NUP37: variants seen among roughly 807,000 people sequenced by gnomAD.
The protein encoded by NUP37 is nucleoporin Nup37.
Under a neutral mutation model 45.4 loss-of-function variants are expected in NUP37, and 33 were observed. That is an observed-to-expected ratio of 0.73 (90% confidence interval 0.55 to 0.97). The LOEUF (loss-of-function observed/expected upper bound fraction) is 0.97, where lower values mean the gene tolerates loss of function less well. NUP37 is among the 50% of genes least tolerant of loss of function. NUP37 has a pLI of 0.00. For missense variants in NUP37, 365 were observed against 389.7 expected, an observed-to-expected ratio of 0.94 and a Z score of 0.53; for synonymous variants, 127 against 130.7, an observed-to-expected ratio of 0.97 and a Z score of 0.19.
intron 3 of NUP37, among the ~76,000 whole-genome samples, chr12:102,106,944 T>C (rs1029838751): frequency 2.6e-5 from 4 of 152,186 alleles, no homozygotes; most frequent in Non-Finnish European, 4.4e-5. Context: ...TACCAGATCA[T>C]TGCATCTGCA....
At chr12:102,082,365 T>C (rs1879352739) in intron 6 of NUP37, among the ~76,000 whole-genome samples, 1 of 152,124 alleles carries the variant, frequency 6.6e-6, no homozygotes, top group Non-Finnish European at 1.5e-5. Context: ...AGGCTAACAA[T>C]TCTGGGCTTG....
chr12:102,085,726 CT>C, intron 6 of NUP37, 39 bp downstream of exon 6: 1 of 981,074 alleles, frequency 1.0e-6, no homozygotes, highest in Non-Finnish European at 1.6e-6. Flanking sequence ...CTCTATAAGT[CT>C]TTTCAATTTG....
intron 6 of NUP37, chr12:102,079,013 T>C: frequency 3.6e-6 from 1 of 274,382 alleles, no homozygotes; most frequent in Non-Finnish European, 7.3e-6. Context: ...AGTTGATGCC[T>C]GAATAAAATG....
chr12:102,088,359 T>C (rs1035138261), intron 5 of NUP37, among the ~76,000 whole-genome samples: 1 of 152,126 alleles, frequency 6.6e-6, no homozygotes, highest in African/African-American at 2.4e-5. Flanking sequence ...TTTTGAAGTA[T>C]ACCATATATA....
rs563073779 is a variant in NUP37 at position 102,105,926 on chromosome 12, C to T, written c.282-4822G>A. The stretch of plus-strand genomic sequence containing the variant: ...TCTATGTGTTAACCCCTGGTAACTA[C>T]GAGTGCTGCCTTATTTGAAAATAGG... On this transcript the variant is annotated intron_variant, in intron 3 of 9. Coordinates refer to ENST00000552283, the MANE Select transcript of NUP37 (RefSeq NM_024057.4). Among the ~76,000 whole-genome samples the T allele has an allele frequency of 6.0e-5, 9 of 150,094 alleles. No homozygotes were observed. The South Asian group carries it at 6.3e-4, about 11-fold the overall frequency.
At chr12:102,085,283 G>A (rs554104358) in intron 6 of NUP37, among the ~76,000 whole-genome samples, 1 of 152,160 alleles carries the variant, frequency 6.6e-6, no homozygotes, top group South Asian at 2.1e-4. Flanking sequence ...TTAGCCAGGT[G>A]TGGTGGCATG....
intron 2 of NUP37, among the ~76,000 whole-genome samples, chr12:102,114,270 A>G (rs959274328): frequency 6.6e-5 from 10 of 152,342 alleles, no homozygotes; most frequent in Admixed American, 6.5e-4. Flanking sequence ...TGCTACTGTA[A>G]CAATATTGTT....
At chr12:102,096,900 G>A (rs1041812609) in intron 5 of NUP37, among the ~76,000 whole-genome samples, 2 of 150,388 alleles carry the variant, frequency 1.3e-5, no homozygotes, top group Non-Finnish European at 3.0e-5. Context: ...GTTTATTTTT[G>A]GTTGGTGAAC....
At chr12:102,097,697 G>A (rs1024434661) in intron 5 of NUP37, among the ~76,000 whole-genome samples, 1 of 152,110 alleles carries the variant, frequency 6.6e-6, no homozygotes, top group Non-Finnish European at 1.5e-5. Context: ...TATTCCAAAT[G>A]CTTGTGATTA....
Position 102,100,988 on chromosome 12 carries a change from C to T in NUP37, c.354+44G>A, listed in dbSNP as rs200051982. The T allele has an allele frequency of 3.1e-5, 38 of 1,217,160 alleles. No individual in the cohort carries two copies. The East Asian group carries it at 4.1e-4, about 13-fold the overall frequency. 75.4% of individuals were successfully genotyped at this position (1,217,160 alleles called of 1,614,324 possible). ...CAATTAAAAAAGCAAAAAACAAACA[C>T]GTTTTAAAATAAGCTCTAAAGATTT... is the stretch of plus-strand genomic sequence containing the variant. On this transcript the variant is annotated intron_variant, in intron 4 of 9. Transcript: ENST00000552283.
chr12:102,085,775 C>A lies in NUP37; in HGVS notation c.531G>T (p.Glu177Asp), dbSNP rs780907314. 1 of 1,543,802 alleles carries A rather than the reference C, an allele frequency of 6.5e-7. No homozygotes were observed. Among genetic ancestry groups the A allele is most frequent in the Admixed American group, 1.8e-5 (1 of 56,960 alleles). ...PGMSVCWHPE[E>D]TFKLMVAEKN... ...AATTATAAATAATAACCTTAAAAGT[C>A]TCCTCAGGATGCCAGCACACACTCA... The change falls in exon 6 of 10, where the codon GAG (glutamate) becomes GAT (aspartate). Residue 177 changes from glutamate to aspartate, a missense_variant. Glu to Asp is a conservative substitution (Grantham distance 45). Coordinates refer to ENST00000552283, the MANE Select transcript of NUP37 (RefSeq NM_024057.4).
chr12:102,102,180 T>C (rs1230775113), intron 3 of NUP37, among the ~76,000 whole-genome samples: 1 of 152,204 alleles, frequency 6.6e-6, no homozygotes. Context: ...CATACACAAA[T>C]CTAAATTTAT....
In NUP37 at chr12:102,118,243, T is replaced by C. The variant is rs548745059; in HGVS notation, c.156+120A>G. The C allele has an allele frequency of 5.9e-6, 6 of 1,011,920 alleles. No homozygotes were observed. In the East Asian group the frequency reaches 1.2e-4, roughly 21 times the overall value. 62.7% of individuals were successfully genotyped at this position (1,011,920 alleles called of 1,614,324 possible). A position where few individuals can be genotyped will look rare whatever the true frequency, so the allele number is the denominator to read the frequency against. On this transcript the variant is annotated intron_variant, in intron 2 of 9. Transcript: ENST00000552283. The stretch of plus-strand genomic sequence containing the variant: ...TGGGAACATCTTTCTCTATGGATCT[T>C]ATCTTTTTTTTTTTTAACATTCAAA...
At chr12:102,086,577 T>C (rs1879478492) in intron 5 of NUP37, among the ~76,000 whole-genome samples, 1 of 152,214 alleles carries the variant, frequency 6.6e-6, no homozygotes, top group Non-Finnish European at 1.5e-5. Flanking sequence ...AACATGGCTC[T>C]CCATTTCAAT....
intron 6 of NUP37, among the ~76,000 whole-genome samples, chr12:102,083,275 C>T (rs1390181785): frequency 6.6e-6 from 1 of 152,212 alleles, no homozygotes; most frequent in Non-Finnish European, 1.5e-5. Flanking sequence ...AGTAGACTCA[C>T]TGCTCTCAGG....
intron 5 of NUP37, among the ~76,000 whole-genome samples, chr12:102,097,499 A>G (rs1218973255): frequency 6.6e-6 from 1 of 152,166 alleles, no homozygotes; most frequent in Non-Finnish European, 1.5e-5. Context: ...TAGCAACCCT[A>G]TGTCAGTCCC....
intron 5 of NUP37, among the ~76,000 whole-genome samples, chr12:102,091,424 A>AAAAAAC (rs1879651194): frequency 7.0e-6 from 1 of 143,200 alleles, no homozygotes; most frequent in African/African-American, 2.5e-5. Context: ...AAAAAAAAAA[A>AAAAAAC]AAAACCCAAA....
chr12:102,081,097 C>G (rs372887424), intron 6 of NUP37, among the ~76,000 whole-genome samples: 27 of 152,154 alleles, frequency 1.8e-4, no homozygotes, highest in African/African-American at 5.3e-4. Context: ...GTTTCGGGTT[C>G]TTATCACTAA....
At chr12:102,110,847 A>G (rs1880294287) in intron 3 of NUP37, among the ~76,000 whole-genome samples, 2 of 152,218 alleles carry the variant, frequency 1.3e-5, no homozygotes, top group African/African-American at 4.8e-5. Flanking sequence ...CTTGTCTCAA[A>G]ATGAATGAAT....
Sources: gnomAD v4.1 joint callset for allele counts (sites outside exome capture counted in the v4.1 genomes callset) on GRCh38, gnomAD v4.1.1 for gene constraint, MANE v1.5 for transcripts, NCBI Gene and HGNC (gene_info 2026-07-23, HGNC 2026-07-21) for gene names.